DNAH6: variants seen among roughly 807,000 people sequenced by gnomAD.
The protein encoded by DNAH6 is dynein axonemal heavy chain 6.
Under a neutral mutation model 491.4 loss-of-function variants are expected in DNAH6, and 340 were observed. The observed-to-expected ratio is 0.69, with a 90% confidence interval of 0.63 to 0.76. DNAH6 has a LOEUF of 0.76. DNAH6 is among the 30% of genes least tolerant of loss of function. DNAH6 has a pLI of 0.00. For synonymous variants in DNAH6, 1,603 were observed against 1,686.1 expected (o/e 0.95, Z 1.21); for missense variants, 4,443 against 4,972.2 (o/e 0.89, Z 3.20).
intron 18 of DNAH6, among the ~76,000 whole-genome samples, chr2:84,602,791 T>C (rs1271803154): frequency 7.5e-6 from 1 of 133,728 alleles, no homozygotes; most frequent in Non-Finnish European, 1.6e-5. Flanking sequence ...AGGTCTTGGA[T>C]GCTCTGTTTT....
chr2:84,643,161 G>T (rs1232261618), intron 33 of DNAH6, among the ~76,000 whole-genome samples: 1 of 152,016 alleles, frequency 6.6e-6, no homozygotes, highest in Non-Finnish European at 1.5e-5. Flanking sequence ...TTCTAGGTTG[G>T]TGGGGTTTTC....
At chr2:84,795,282 C>T (rs924409815) in intron 68 of DNAH6, among the ~76,000 whole-genome samples, 3 of 151,508 alleles carry the variant, frequency 2.0e-5, no homozygotes, top group Non-Finnish European at 4.4e-5. Flanking sequence ...CTAACCTGCA[C>T]ATTGTGTACA....
At chr2:84,471,250 C>T in the DNAH6 span, among the ~76,000 whole-genome samples, 28 of 152,328 alleles carry the variant, frequency 1.8e-4, no homozygotes, top group African/African-American at 6.7e-4. Flanking sequence ...TTATTACTAG[C>T]ATAAAATGTG....
At chr2:84,563,290 C>CT (rs1680852663) in intron 11 of DNAH6, among the ~76,000 whole-genome samples, 1 of 152,158 alleles carries the variant, frequency 6.6e-6, no homozygotes, top group Non-Finnish European at 1.5e-5. Flanking sequence ...GTTTTAAGTT[C>CT]TTTGAGAAAT....
intron 30 of DNAH6, among the ~76,000 whole-genome samples, chr2:84,635,421 T>C (rs991821495): frequency 7.9e-5 from 12 of 152,226 alleles, no homozygotes; most frequent in Non-Finnish European, 4.4e-5. Context: ...CCAAAAATTA[T>C]TAGACTCTAA....
At chr2:84,586,292 G>T (rs1203564678) in intron 15 of DNAH6, among the ~76,000 whole-genome samples, 7 of 152,198 alleles carry the variant, frequency 4.6e-5, no homozygotes, top group African/African-American at 1.7e-4. Flanking sequence ...GTCCCTAACT[G>T]GCTCCATGGA....
intron 76 of DNAH6, among the ~76,000 whole-genome samples, chr2:84,817,523 C>A (rs1223985208): frequency 1.3e-5 from 2 of 151,998 alleles, no homozygotes; most frequent in African/African-American, 4.8e-5. Flanking sequence ...GTCCCAGCTA[C>A]TCAGGAGGCT....
chr2:84,753,769 A>AAAAAAAAAAAAAAAAAAAAAAAAAAAT (rs1310144113), intron 63 of DNAH6, among the ~76,000 whole-genome samples: 1 of 150,980 alleles, frequency 6.6e-6, no homozygotes, highest in African/African-American at 2.4e-5. Context: ...AAAAAAAAAA[A>AAAAAAAAAAAAAAAAAAAAAAAAAAAT]AAAAAAAAAA....
intron 45 of DNAH6, among the ~76,000 whole-genome samples, chr2:84,693,998 T>G (rs950517479): frequency 3.3e-5 from 5 of 152,210 alleles, no homozygotes; most frequent in Non-Finnish European, 5.9e-5. Flanking sequence ...AGATTTTACT[T>G]TATTCTAAAT....
intron 45 of DNAH6, among the ~76,000 whole-genome samples, chr2:84,691,504 A>G (rs1192301): frequency 0.036 from 5,437 of 152,332 alleles, 146 homozygotes; most frequent in South Asian, 0.061. Flanking sequence ...AGCAATGACA[A>G]TGGTGCCTAT....
At chr2:84,720,705 C>A (rs1440898449) in intron 59 of DNAH6, among the ~76,000 whole-genome samples, 1 of 152,120 alleles carries the variant, frequency 6.6e-6, no homozygotes, top group Non-Finnish European at 1.5e-5. Context: ...TCATTGCCAC[C>A]CTTCTGTCTG....
At chr2:84,662,913 G>T (rs1038221803) in intron 37 of DNAH6, among the ~76,000 whole-genome samples, 1 of 152,190 alleles carries the variant, frequency 6.6e-6, no homozygotes, top group East Asian at 1.9e-4. Flanking sequence ...AGCTTCCAGA[G>T]GAAGGATCAG....
At chr2:84,494,005 G>A in the DNAH6 span, among the ~76,000 whole-genome samples, 1 of 152,200 alleles carries the variant, frequency 6.6e-6, no homozygotes, top group African/African-American at 2.4e-5. Context: ...TCATTAGTTT[G>A]AGTTTGGAGT....
At chr2:84,475,604 G>A in the DNAH6 span, among the ~76,000 whole-genome samples, 1 of 152,150 alleles carries the variant, frequency 6.6e-6, no homozygotes. Context: ...TGAGCTAAAA[G>A]AGTAGCCTTA....
At chr2:84,521,121 A>G (rs1445387088) in intron 2 of DNAH6, among the ~76,000 whole-genome samples, 4 of 151,698 alleles carry the variant, frequency 2.6e-5, no homozygotes, top group Non-Finnish European at 4.4e-5. Context: ...TGAATATTCC[A>G]TAATTTACTT....
chr2:84,794,623 A>G (rs1417596595), intron 68 of DNAH6, among the ~76,000 whole-genome samples: 3 of 150,156 alleles, frequency 2.0e-5, no homozygotes, highest in African/African-American at 7.3e-5. Context: ...CAAAACCACA[A>G]TGAGATACCA....
Position 84,768,611 on chromosome 2 carries a change from A to G in DNAH6, c.10703+5666A>G, listed in dbSNP as rs192673096. On this transcript the variant is annotated intron_variant, in intron 64 of 76. Transcript: ENST00000389394. Reference sequence around the variant, plus strand: ...AAAGCATAAAAAATAAAATACTTCAAGACAAATATAATAAAAGATATGCAA... The same window carrying G: ...AAAGCATAAAAAATAAAATACTTCAGGACAAATATAATAAAAGATATGCAA... Among the ~76,000 whole-genome samples, 53 of 152,300 alleles carry G rather than the reference A, an allele frequency of 3.5e-4. No homozygotes were observed. The East Asian group carries it at 7.9e-3, about 23-fold the overall frequency.
At chr2:84,613,165 C>G (rs538633143) in intron 22 of DNAH6, among the ~76,000 whole-genome samples, 273 of 148,896 alleles carry the variant, frequency 1.8e-3, no homozygotes, top group African/African-American at 6.7e-3. Context: ...GTGTGTGTGT[C>G]TGTGACAGAA....
At chr2:84,762,230 A>C (rs1674661969) in intron 63 of DNAH6, among the ~76,000 whole-genome samples, 2 of 152,126 alleles carry the variant, frequency 1.3e-5, no homozygotes, top group Non-Finnish European at 2.9e-5. Context: ...GAGACAATAA[A>C]TGGAGCCAAT....
Sources: allele counts gnomAD v4.1 joint callset (sites outside exome capture counted in the v4.1 genomes callset), GRCh38; gene constraint gnomAD v4.1.1; transcripts MANE v1.5; gene names NCBI Gene and HGNC (gene_info 2026-07-23, HGNC 2026-07-21).